HID1: variants seen among roughly 807,000 people sequenced by gnomAD.
The protein encoded by HID1 is HID1 domain containing.
HID1 carries 42 observed loss-of-function variants against 89.7 expected under a neutral mutation model. The ratio of observed to expected loss-of-function variants is 0.47; its 90% CI spans 0.37 to 0.61. The LOEUF is 0.61. HID1 is among the 20% of genes least tolerant of loss of function. The pLI is 0.00. For missense variants in HID1, 854 were observed against 1,039.3 expected (o/e 0.82, Z 2.45); for synonymous variants, 442 against 433.8 (o/e 1.02, Z -0.24).
rs2039506258 is a variant in HID1 at position 74,962,967 on chromosome 17, C to T, written c.502G>A (p.Val168Met). Residue 168 changes from valine (V) to methionine (M), a missense_variant and splice_region_variant, in exon 4 of 19, where the codon GTG becomes ATG. Val to Met is a conservative substitution (Grantham distance 21). Transcript: ENST00000425042. This position sits in a 1 kb window ranked among gnomAD's most constrained non-coding sequence, Gnocchi z 4.3. ...GTGGGGGGCTGGGGGACACTCACCA[C>T]AGTGCTCCTCCGGTGGCTCTGAACC... is the stretch of plus-strand genomic sequence containing the variant. ...FTVQSHRRST[V>M]DSAEDVHSLD... 2.5e-6 allele frequency: 4 copies of T among 1,609,484 alleles called. No individual in the cohort carries two copies. The East Asian group carries it at 8.9e-5, about 36-fold the overall frequency.
rs72631375 is a variant in HID1, at chr17:74,954,955, T to G, written c.1637-590A>C. 7,767 of 161,910 alleles carry G rather than the reference T, an allele frequency of 0.048. 871 individuals are homozygous for G. The East Asian group carries it at 0.5, about 10-fold the overall frequency. The allele number at this position is 161,910 out of a possible 1,614,324, so 10.0% of individuals were successfully genotyped here. On this transcript the variant is annotated intron_variant, in intron 13 of 18. Coordinates refer to ENST00000425042, the MANE Select transcript of HID1 (RefSeq NM_030630.3). The stretch of plus-strand genomic sequence containing the variant: ...CTGCAAATTTGCCCGACTTTGGAAA[T>G]AGCAATAATAGAAACTGATCATTTT...
intron 18 of HID1, 43 bp from the exon 19 acceptor site, chr17:74,951,676 G>A (rs368603155): frequency 1.4e-5 from 22 of 1,572,212 alleles, no homozygotes; most frequent in Admixed American, 1.1e-4. Flanking sequence ...GGGGCACCTT[G>A]CAGACAAGGC....
chr17:74,958,175 G>C lies in HID1; in HGVS notation c.1437C>G (p.Pro479=). 1 of 1,611,222 alleles carries C rather than the reference G, an allele frequency of 6.2e-7. No individual in the cohort carries two copies. Among genetic ancestry groups the C allele is most frequent in the Non-Finnish European group, 8.5e-7 (1 of 1,178,992 alleles). ...CGATGGTGAGCAGGCAGTCGAAGAG[G>C]GGCTGCAACCGCTGGTGCCCGCTGG... ...IITSGHQRLQ[P]LFDCLLTIVV... is the part of the protein sequence containing the mutation. Residue 479 remains proline, a synonymous_variant, in exon 12 of 19, where the codon CCC becomes CCG. Transcript: ENST00000425042. The surrounding 1 kb of genome is among the most constrained non-coding windows in gnomAD (Gnocchi z 5.2).
chr17:74,954,165 G>C lies in HID1; in HGVS notation c.1837C>G (p.Leu613Val). Residue 613 changes from leucine to valine, a missense_variant, in exon 14 of 19, where the codon CTC becomes GTC. Coordinates refer to ENST00000425042, the MANE Select transcript of HID1 (RefSeq NM_030630.3). ...RPAAPAEPGT[L>V]KTSLVATPGI... is the part of the protein sequence containing the mutation. ...GGAGTAGCCACCAGACTGGTCTTGA[G>C]GGTGCCTGGCTCTGCAGGGGCAGCG... The C allele has an allele frequency of 6.2e-7, 1 of 1,601,894 alleles. No individual in the cohort carries two copies. Among genetic ancestry groups the C allele is most frequent in the Non-Finnish European group, 8.5e-7 (1 of 1,175,430 alleles).
Position 74,972,700 on chromosome 17 carries a change from C to CCCGGCTCCGGCTTCAGCT in HID1, c.-62_-45dup, listed in dbSNP as rs1159327286. ...GGCCCGGCCCCCGCCCAGACTCCAA[C>CCCGGCTCCGGCTTCAGCT]CCGGCTCCGGCTTCAGCTCCGGCTC... On this transcript the variant is annotated 5_prime_UTR_variant, in exon 1 of 19. Transcript: ENST00000425042. The surrounding 1 kb of genome is among the most constrained non-coding windows in gnomAD (Gnocchi z 6.4). The CCCGGCTCCGGCTTCAGCT allele has an allele frequency of 5.3e-6, 8 of 1,496,474 alleles. No homozygotes were observed. The African/African-American group carries it at 8.7e-5, about 16-fold the overall frequency. The allele number at this position is 1,496,474 out of a possible 1,614,324, so 92.7% of individuals were successfully genotyped here.
chr17:74,951,744 C>G (rs2039303241), intron 18 of HID1, 111 bp from the exon 19 acceptor site: 1 of 1,362,100 alleles, frequency 7.3e-7, no homozygotes, highest in African/African-American at 1.4e-5. Context: ...CCCGATGTCC[C>G]ACCCTGGGCA....
At chr17:74,965,251 T>C (rs1472780970) in intron 1 of HID1, among the ~76,000 whole-genome samples, 2 of 152,120 alleles carry the variant, frequency 1.3e-5, no homozygotes, top group Admixed American at 1.3e-4. Context: ...TCCACCTCTT[T>C]CAACCCTGCC....
chr17:74,960,285 C>A (rs1366942677), intron 6 of HID1, 37 bp from the exon 7 acceptor site: 1 of 1,564,610 alleles, frequency 6.4e-7, no homozygotes, highest in Admixed American at 1.7e-5. Context: ...AGAGGCTGCA[C>A]TGGGGCCCAG....
Position 74,953,558 on chromosome 17 carries a change from C to T in HID1, c.1958G>A (p.Ser653Asn). Residue 653 changes from serine to asparagine, a missense_variant, in exon 15 of 19, where the codon AGC (serine) becomes AAC (asparagine). Transcript: ENST00000425042. Reference sequence around the variant, plus strand: ...CCCGTCACCCACCCCCTTAGCCGGGCTGCCATCCTCCAAGCTCTGCTGGGG... The same window carrying T: ...CCCGTCACCCACCCCCTTAGCCGGGTTGCCATCCTCCAAGCTCTGCTGGGG... ...PEPQQSLEDG[S>N]PAKGEPSQAW... 6.2e-7 allele frequency: 1 copy of T among 1,613,940 alleles called. No individual in the cohort carries two copies. The highest frequency in any genetic ancestry group is 8.5e-7 in the Non-Finnish European group (1 of 1,179,888).
chr17:74,960,354 T>G, intron 6 of HID1, 106 bp from the exon 7 acceptor site: 1 of 934,102 alleles, frequency 1.1e-6, no homozygotes, highest in Non-Finnish European at 1.6e-6. Context: ...ACAAGCATTT[T>G]AGCACCACGT....
chr17:74,953,148 G>A, intron 15 of HID1, 62 bp from the exon 16 acceptor site: 1 of 1,302,410 alleles, frequency 7.7e-7, no homozygotes, highest in Admixed American at 2.1e-5. Context: ...TGGAGTGGGG[G>A]GCAATGAGCC....
chr17:74,960,002 T>C, intron 7 of HID1, 24 bp downstream of exon 7: 1 of 1,613,254 alleles, frequency 6.2e-7, no homozygotes. Context: ...CCGGCAGCTG[T>C]CCCTTCCATG....
At chr17:74,960,946 C>A (rs529154752) in intron 6 of HID1, among the ~76,000 whole-genome samples, 2 of 151,918 alleles carry the variant, frequency 1.3e-5, no homozygotes, top group Admixed American at 6.5e-5. Flanking sequence ...ACCCTCCCCC[C>A]ACCCCGTGCT....
Position 74,958,935 on chromosome 17 carries a change from G to A in HID1, c.1125C>T (p.Phe375=), listed in dbSNP as rs1314593636. ...IQFHQELLVL[F]WKLCDFNKKF... ...CCTTGTTGAAGTCGCAGAGCTTCCA[G>A]AAGAGAACTAGCAGCTCCTGGTGGA... The change falls in exon 9 of 19, where the codon TTC becomes TTT. Residue 375 remains phenylalanine, a synonymous_variant. Coordinates refer to ENST00000425042, the MANE Select transcript of HID1 (RefSeq NM_030630.3). The surrounding 1 kb of genome is among the most constrained non-coding windows in gnomAD (Gnocchi z 5.2). 1.2e-6 allele frequency: 2 copies of A among 1,601,218 alleles called. No individual in the cohort carries two copies. The highest frequency in any genetic ancestry group is 2.7e-5 in the African/African-American group (2 of 74,172).
chr17:74,970,337 G>C (rs559117264), intron 1 of HID1, among the ~76,000 whole-genome samples: 1 of 152,202 alleles, frequency 6.6e-6, no homozygotes, highest in Non-Finnish European at 1.5e-5. Context: ...AGGTCCCCTA[G>C]TCCTCAAGCC....
Position 74,954,321 on chromosome 17 carries a change from AG to A in HID1, c.1680del (p.Phe561SerfsTer66). The stretch of plus-strand genomic sequence containing the variant: ...GTGGGCAGGTTGGCCAGCTGGTGGA[AG>A]ATGCTGCGCTTGCGGATGATGGCGT... ...LVYAIIRKRS[I>X]FHQLANLPTD... On this transcript the variant is annotated frameshift_variant, in exon 14 of 19. Transcript: ENST00000425042. LOFTEE classifies it high-confidence loss of function. 6.3e-7 allele frequency: 1 copy of A among 1,585,786 alleles called. No individual in the cohort carries two copies. The highest frequency in any genetic ancestry group is 8.6e-7 in the Non-Finnish European group (1 of 1,166,626).
At chr17:74,952,974 C>G (rs772382012) in intron 16 of HID1, 32 bp downstream of exon 16, 10 of 1,547,554 alleles carry the variant, frequency 6.5e-6, no homozygotes, top group Non-Finnish European at 8.8e-6. Context: ...AAACCCCAGC[C>G]CCCGCTCGCC....
chr17:74,962,869 C>T lies in HID1; in HGVS notation c.504+96G>A, dbSNP rs2039504013. The T allele has an allele frequency of 3.5e-6, 3 of 859,602 alleles. No individual in the cohort carries two copies. The highest frequency in any genetic ancestry group is 4.4e-5 in the Admixed American group (2 of 45,662). 53.2% of individuals were successfully genotyped at this position (859,602 alleles called of 1,614,324 possible). A position where few individuals can be genotyped will look rare whatever the true frequency, so the allele number is the denominator to read the frequency against. ...CAGCTCTCCTGGAGCCCCCCGGCCC[C>T]CAGTGCAATCCGCCCAAGGGAACTT... On this transcript the variant is annotated intron_variant, in intron 4 of 18. Coordinates refer to ENST00000425042, the MANE Select transcript of HID1 (RefSeq NM_030630.3). This position sits in a 1 kb window ranked among gnomAD's most constrained non-coding sequence, Gnocchi z 4.3.
chr17:74,965,278 CGCATGCACCGAGGTGGCATCCT>C (rs1222309541), intron 1 of HID1, among the ~76,000 whole-genome samples: 1 of 152,246 alleles, frequency 6.6e-6, no homozygotes, highest in East Asian at 1.9e-4. Context: ...CTGCTGCCAA[CGCATGCACCGAGGTGGCATCCT>C]GCATGCACCA....
Sources: allele counts gnomAD v4.1 joint callset (sites outside exome capture counted in the v4.1 genomes callset), GRCh38; gene constraint gnomAD v4.1.1; non-coding constraint Gnocchi (gnomAD v3.1); transcripts MANE v1.5; gene names NCBI Gene and HGNC (gene_info 2026-07-23, HGNC 2026-07-21).